The following SUCO variants were observed in gnomAD, a reference collection of about 807,000 sequenced individuals.
SUCO encodes SUN domain-containing ossification factor.
Under a neutral mutation model 148.1 loss-of-function variants are expected in SUCO, and 57 were observed. The observed-to-expected ratio is 0.38, with a 90% CI of 0.31 to 0.48. The LOEUF (loss-of-function observed/expected upper bound fraction) is 0.48. Among genes scored for constraint, SUCO ranks in the 20% least tolerant of loss-of-function variants. SUCO has a pLI of 0.96. For missense variants in SUCO, 1,331 were observed against 1,468.2 expected, an observed-to-expected ratio of 0.91 and a Z score of 1.53; for synonymous variants, 470 against 502.7, an observed-to-expected ratio of 0.93 and a Z score of 0.87.
intron 1 of SUCO, among the ~76,000 whole-genome samples, chr1:172,544,637 A>G (rs1272728137): frequency 6.6e-6 from 1 of 152,358 alleles, no homozygotes; most frequent in East Asian, 1.9e-4. Flanking sequence ...AGCATGAGCC[A>G]GAGACATGAG....
Position 172,562,233 on chromosome 1 carries a change from T to C in SUCO, c.732+4439T>C, listed in dbSNP as rs1024959847. Reference sequence around the variant, plus strand: ...AAAAAAGCTAAAAGAGTTAAATGAATCTGAGAAGCTTTCAAAAGAATAGAT... The same window carrying C: ...AAAAAAGCTAAAAGAGTTAAATGAACCTGAGAAGCTTTCAAAAGAATAGAT... On this transcript the variant is annotated intron_variant, in intron 6 of 23. Transcript: ENST00000263688. 7.9e-5 allele frequency among the ~76,000 whole-genome samples: 12 copies of C among 151,182 alleles called. No homozygotes were observed. The East Asian group carries it at 2.1e-3, about 27-fold the overall frequency.
intron 1 of SUCO, among the ~76,000 whole-genome samples, chr1:172,540,451 T>C (rs555132144): frequency 6.6e-6 from 1 of 152,254 alleles, no homozygotes; most frequent in Non-Finnish European, 1.5e-5. Flanking sequence ...AGTAAGTTTG[T>C]GATACTCTTT....
chr1:172,576,617 CA>C (rs1254672164), intron 11 of SUCO, among the ~76,000 whole-genome samples: 1 of 151,568 alleles, frequency 6.6e-6, no homozygotes, highest in East Asian at 1.9e-4. Context: ...TCTGAAGAGG[CA>C]AAAACGTTAA....
At chr1:172,563,630 G>A (rs912499473) in intron 6 of SUCO, among the ~76,000 whole-genome samples, 3 of 152,174 alleles carry the variant, frequency 2.0e-5, no homozygotes, top group Non-Finnish European at 2.9e-5. Context: ...GCCTAAAACT[G>A]GAACTTATAT....
At chr1:172,564,027 C>T (rs986837857) in intron 6 of SUCO, among the ~76,000 whole-genome samples, 2 of 152,192 alleles carry the variant, frequency 1.3e-5, no homozygotes, top group East Asian at 1.9e-4. Context: ...TTGCAGCTTC[C>T]GTGTGATATT....
rs755566476 is a variant in SUCO, at chr1:172,588,946, A to G, written c.1845A>G (p.Ile615Met). 18 of 1,611,414 alleles carry G rather than the reference A, an allele frequency of 1.1e-5. No homozygotes were observed. The highest frequency in any genetic ancestry group is 1.4e-5 in the Non-Finnish European group (17 of 1,178,894). ...SSPWFESETQ[I>M]FCSELTTICC... Reference sequence around the variant, plus strand: ...CCTGGTTTGAGTCAGAGACACAAATATTTTGCAGTGAACTGACCACAATTT... The same window carrying G: ...CCTGGTTTGAGTCAGAGACACAAATGTTTTGCAGTGAACTGACCACAATTT... Residue 615 changes from isoleucine (I) to methionine (M), a missense_variant, in exon 18 of 24, where the codon ATA becomes ATG. Around this residue, in one of 3 missense-constraint regions of SUCO, gnomAD observed 992 missense variants for 1,093.5 expected, o/e 0.91. Transcript: ENST00000263688.
chr1:172,563,150 T>C (rs143841198), intron 6 of SUCO, among the ~76,000 whole-genome samples: 53 of 152,332 alleles, frequency 3.5e-4, no homozygotes, highest in African/African-American at 1.3e-3. Context: ...TAGTTCTTTA[T>C]AGCAGTGTAA....
intron 6 of SUCO, among the ~76,000 whole-genome samples, chr1:172,562,847 C>T (rs566300706): frequency 2.7e-4 from 41 of 152,232 alleles, no homozygotes; most frequent in Non-Finnish European, 5.9e-4. Flanking sequence ...GTAATCCCCA[C>T]GTTAGAGGAG....
chr1:172,561,364 T>G (rs985966220), intron 6 of SUCO, among the ~76,000 whole-genome samples: 1 of 152,190 alleles, frequency 6.6e-6, no homozygotes, highest in African/African-American at 2.4e-5. Flanking sequence ...TTAGGAGGTC[T>G]GTGGGGGATG....
chr1:172,569,306 CT>C, intron 7 of SUCO, 164 bp downstream of exon 7: 1 of 794,548 alleles, frequency 1.3e-6, no homozygotes, highest in South Asian at 5.7e-5. Flanking sequence ...CATCATGTAC[CT>C]GTATATAATT....
At chr1:172,553,992 A>G (rs1177776882) in intron 3 of SUCO, among the ~76,000 whole-genome samples, 1 of 152,226 alleles carries the variant, frequency 6.6e-6, no homozygotes, top group Non-Finnish European at 1.5e-5. Flanking sequence ...GACTAAGGAA[A>G]AACTAAAATC....
At chr1:172,608,049 G>A in intron 22 of SUCO, 2 of 982,524 alleles carry the variant, frequency 2.0e-6, no homozygotes, top group Non-Finnish European at 2.4e-6. Flanking sequence ...TTGTCAGTGT[G>A]GGGGTGGGGT....
At chr1:172,584,786 A>G (rs1443264072) in intron 15 of SUCO, among the ~76,000 whole-genome samples, 10 of 152,202 alleles carry the variant, frequency 6.6e-5, no homozygotes, top group Admixed American at 6.5e-4. Flanking sequence ...CAAAACGAAA[A>G]GTATATTTAA....
At chr1:172,548,308 A>G (rs1310073807) in intron 1 of SUCO, among the ~76,000 whole-genome samples, 3 of 151,680 alleles carry the variant, frequency 2.0e-5, no homozygotes, top group Non-Finnish European at 3.0e-5. Context: ...GTTAATTCCC[A>G]TTACTATCTT....
intron 1 of SUCO, among the ~76,000 whole-genome samples, chr1:172,545,523 A>G (rs1415617978): frequency 1.3e-5 from 2 of 152,296 alleles, no homozygotes; most frequent in East Asian, 1.9e-4. Context: ...TTGACAAGTC[A>G]AAGAGGAGAT....
chr1:172,574,602 A>G (rs1202521796), intron 10 of SUCO, among the ~76,000 whole-genome samples: 1 of 152,066 alleles, frequency 6.6e-6, no homozygotes, highest in Non-Finnish European at 1.5e-5. Flanking sequence ...CTATAAAAAT[A>G]TGTACTTTTA....
Position 172,573,898 on chromosome 1 carries a change from A to T in SUCO, c.1057A>T (p.Ile353Phe), listed in dbSNP as rs763825902. ...CTTTTGTTCTTTTTGAAGGTTTGTT[A>T]TTGAACTTTGTGAACCAATTCAAGT... is the stretch of plus-strand genomic sequence containing the variant. The part of the protein sequence containing the change: ...NPCSTKIWFV[I>F]ELCEPIQVKQ... Residue 353 changes from isoleucine (I) to phenylalanine (F), a missense_variant, in exon 10 of 24, where the codon ATT becomes TTT. Coordinates refer to ENST00000263688, the MANE Select transcript of SUCO (RefSeq NM_014283.5). 1 of 1,568,262 alleles carries T rather than the reference A, an allele frequency of 6.4e-7. No individual in the cohort carries two copies. The highest frequency in any genetic ancestry group is 8.8e-7 in the Non-Finnish European group (1 of 1,142,778).
chr1:172,602,077 A>G lies in SUCO; in HGVS notation c.3032A>G (p.Gln1011Arg), dbSNP rs1558214568. 1 of 1,609,124 alleles carries G rather than the reference A, an allele frequency of 6.2e-7. No individual in the cohort carries two copies. The highest frequency in any genetic ancestry group is 8.5e-7 in the Non-Finnish European group (1 of 1,178,256). ...AELKREVSDR[Q>R]SYLVISLVLC... ...TTCTCATCTCAGGTTTCAGATCGACAAAGCTATCTTGTCATATCTTTGGTT... is the reference window on the plus strand; with the variant it reads ...TTCTCATCTCAGGTTTCAGATCGACGAAGCTATCTTGTCATATCTTTGGTT... Residue 1011 changes from glutamine (Q) to arginine (R), a missense_variant, in exon 21 of 24, where the codon CAA (glutamine) becomes CGA (arginine). Physicochemically the swap from Gln to Arg is conservative, Grantham distance 43 (BLOSUM62 1). Around this residue, in one of 3 missense-constraint regions of SUCO, gnomAD observed 334 missense variants for 352.3 expected, o/e 0.95. Coordinates refer to ENST00000263688, the MANE Select transcript of SUCO (RefSeq NM_014283.5).
At chr1:172,539,008 G>A (rs77564153) in intron 1 of SUCO, among the ~76,000 whole-genome samples, 3,090 of 152,302 alleles carry the variant, frequency 0.02, 106 homozygotes, top group African/African-American at 0.071. Context: ...TGGAATGGAA[G>A]CAGGCAGTAG....
Sources: gnomAD v4.1 joint callset for allele counts (sites outside exome capture counted in the v4.1 genomes callset) on GRCh38, gnomAD v4.1.1 for gene constraint, gnomAD v4.1.1 regional missense constraint, MANE v1.5 for transcripts, NCBI Gene and HGNC (gene_info 2026-07-23, HGNC 2026-07-21) for gene names.